HMGA2: variants seen among roughly 807,000 people sequenced by gnomAD.
The protein encoded by HMGA2 is high mobility group AT-hook 2, also known as high mobility group protein HMGI-C.
In HMGA2, 8 loss-of-function variants were observed where a neutral mutation model predicts 19.1. The observed-to-expected ratio is 0.42, with a 90% CI of 0.25 to 0.76. The LOEUF is 0.76. HMGA2 is among the 30% of genes least tolerant of loss of function. The pLI, the probability that HMGA2 is intolerant of heterozygous loss-of-function variation, is 0.28. For synonymous variants in HMGA2, 60 were observed against 48.8 expected, an observed-to-expected ratio of 1.23 and a Z score of -0.96; for missense variants, 109 against 136.3, an observed-to-expected ratio of 0.80 and a Z score of 1.00.
chr12:65,898,241 A>G (rs1384270115), intron 3 of HMGA2, among the ~76,000 whole-genome samples: 2 of 152,220 alleles, frequency 1.3e-5, no homozygotes, highest in African/African-American at 2.4e-5. Context: ...CGGATGGGAA[A>G]AAGTTTGAGG....
chr12:65,833,259 G>T (rs895449832), intron 2 of HMGA2, among the ~76,000 whole-genome samples: 7 of 152,100 alleles, frequency 4.6e-5, no homozygotes, highest in Admixed American at 2.0e-4. Flanking sequence ...AGTTGATTTT[G>T]ATATCAGTGT....
intron 3 of HMGA2, among the ~76,000 whole-genome samples, chr12:65,867,139 C>T (rs918651371): frequency 1.3e-5 from 2 of 152,122 alleles, no homozygotes. Context: ...GACAAAAAAA[C>T]ATTGACACTA....
chr12:65,942,510 G>A (rs1242048060), intron 3 of HMGA2: 1 of 152,062 alleles, frequency 6.6e-6, no homozygotes, highest in Non-Finnish European at 1.5e-5. Context: ...TTTCTATGAA[G>A]TAACATTAAT....
intron 3 of HMGA2, among the ~76,000 whole-genome samples, chr12:65,920,182 C>T (rs1430180100): frequency 3.3e-5 from 5 of 151,862 alleles, no homozygotes; most frequent in South Asian, 2.1e-4. Context: ...GAGATGAGTC[C>T]GGGGTAGAAG....
chr12:65,931,147 GT>G (rs1288213451), intron 3 of HMGA2, among the ~76,000 whole-genome samples: 1 of 152,068 alleles, frequency 6.6e-6, no homozygotes, highest in Non-Finnish European at 1.5e-5. Context: ...TTTCAAGCTT[GT>G]TTTTTGTTCA....
chr12:65,825,431 C>T lies in HMGA2; in HGVS notation c.111+50C>T, dbSNP rs1411558922. 1.4e-5 allele frequency: 19 copies of T among 1,356,908 alleles called. No homozygotes were observed. In the South Asian group the frequency reaches 2.5e-4, roughly 18 times the overall value. 84.1% of individuals were successfully genotyped at this position (1,356,908 alleles called of 1,614,324 possible). On this transcript the variant is annotated intron_variant, in intron 1 of 4. Transcript: ENST00000403681. This position sits in a 1 kb window ranked among gnomAD's most constrained non-coding sequence, Gnocchi z 4.4. ...CACCAGCCCACCCCGTCCCCACTGC[C>T]GGGGCCCAGACACGCGCGGGGCGGC...
intron 3 of HMGA2, among the ~76,000 whole-genome samples, chr12:65,945,268 G>T (rs1471899324): frequency 2.0e-5 from 3 of 151,712 alleles, no homozygotes; most frequent in Admixed American, 1.3e-4. Context: ...AGCCTCCAAA[G>T]CCTGAAGTTC....
At chr12:65,905,360 T>C (rs144148340) in intron 3 of HMGA2, among the ~76,000 whole-genome samples, 313 of 152,326 alleles carry the variant, frequency 2.1e-3, no homozygotes, top group African/African-American at 7.1e-3. Flanking sequence ...TAATTTTGTT[T>C]ACGTGTTTAT....
chr12:65,906,376 C>T (rs1282299347), intron 3 of HMGA2, among the ~76,000 whole-genome samples: 3 of 152,086 alleles, frequency 2.0e-5, no homozygotes, highest in Non-Finnish European at 1.5e-5. Context: ...GATTTGTTGC[C>T]ATTTTATGTG....
At chr12:65,927,124 A>G (rs1401504229) in intron 3 of HMGA2, among the ~76,000 whole-genome samples, 1 of 152,194 alleles carries the variant, frequency 6.6e-6, no homozygotes. Context: ...GCACAACTTA[A>G]CACCATTTTC....
Position 65,963,499 on chromosome 12 carries a change from T to G in HMGA2, c.*207T>G, listed in dbSNP as rs1325408834. The G allele has an allele frequency of 1.7e-6, 1 of 588,432 alleles. No homozygotes were observed. The highest frequency in any genetic ancestry group is 1.9e-5 in the African/African-American group (1 of 53,534). The allele number at this position is 588,432 out of a possible 1,614,324, so 36.5% of individuals were successfully genotyped here. The stretch of plus-strand genomic sequence containing the variant: ...TATTAATCACCTTCTTTGTAATCCC[T>G]TCACAGTCCCAGGTTTAGTGAAAAA... On this transcript the variant is annotated 3_prime_UTR_variant, in exon 5 of 5. Coordinates refer to ENST00000403681, the MANE Select transcript of HMGA2 (RefSeq NM_003483.6).
intron 2 of HMGA2, among the ~76,000 whole-genome samples, chr12:65,836,895 A>T (rs1870754701): frequency 6.6e-6 from 1 of 152,108 alleles, no homozygotes; most frequent in Non-Finnish European, 1.5e-5. Flanking sequence ...TTCCTAAAGT[A>T]TTTTTTTATG....
At chr12:65,915,244 T>G in intron 3 of HMGA2, 1 of 1,563,716 alleles carries the variant, frequency 6.4e-7, no homozygotes, top group Non-Finnish European at 8.7e-7. Flanking sequence ...ACCTATCAGG[T>G]GTCTTTTAGA....
intron 3 of HMGA2, among the ~76,000 whole-genome samples, chr12:65,868,686 T>C (rs1872559845): frequency 6.6e-6 from 1 of 152,218 alleles, no homozygotes; most frequent in Non-Finnish European, 1.5e-5. Context: ...GTTTGTGGAA[T>C]CATGACATAG....
chr12:65,844,050 C>CAAA lies in HMGA2; in HGVS notation c.249+5498_249+5500dup, dbSNP rs3048828. ...TGGGCAACAGAGCAAGACTCCATCT[C>CAAA]AAAAAAAAAAAAAAAAAAAGAAATA... is the stretch of plus-strand genomic sequence containing the variant. On this transcript the variant is annotated intron_variant, in intron 3 of 4. Coordinates refer to ENST00000403681, the MANE Select transcript of HMGA2 (RefSeq NM_003483.6). 2.5e-3 allele frequency among the ~76,000 whole-genome samples: 198 copies of CAAA among 79,720 alleles called. 5 individuals are homozygous for CAAA. Among genetic ancestry groups the CAAA allele is most frequent in the African/African-American group, 6.7e-3 (180 of 26,760 alleles). The allele number at this position is 79,720 out of a possible 152,430, so 52.3% of individuals were successfully genotyped here.
At chr12:65,827,188 C>G (rs1264965508) in intron 1 of HMGA2, among the ~76,000 whole-genome samples, 1 of 152,156 alleles carries the variant, frequency 6.6e-6, no homozygotes, top group Admixed American at 6.5e-5. Flanking sequence ...TTTCTCATTC[C>G]CAGACACTCC....
In HMGA2 at chr12:65,829,032, A is replaced by G. The variant is rs1870359315; in HGVS notation, c.198+945A>G. 3 of 152,326 alleles carry G rather than the reference A, an allele frequency of 2.0e-5. No individual in the cohort carries two copies. In the South Asian group the frequency reaches 6.2e-4, roughly 32 times the overall value. The allele number at this position is 152,326 out of a possible 1,614,324, so 9.4% of individuals were successfully genotyped here. On this transcript the variant is annotated intron_variant, in intron 2 of 4. Transcript: ENST00000403681. ...AATTGAGAACAAAGTTTCAAAAATC[A>G]GAACTAAATTTGGATATACCTTTTC... is the stretch of plus-strand genomic sequence containing the variant.
At position 65,907,758 on chromosome 12, in the gene HMGA2, C is replaced by T. The variant is rs540708597; in HGVS notation, c.250-43625C>T. On this transcript the variant is annotated intron_variant, in intron 3 of 4. Coordinates refer to ENST00000403681, the MANE Select transcript of HMGA2 (RefSeq NM_003483.6). Reference sequence around the variant, plus strand: ...AGTAAGGATGTTTCTAGGTAACAATCCTGTTGTGGCCGCATGGTTCTGGGA... The same window carrying T: ...AGTAAGGATGTTTCTAGGTAACAATTCTGTTGTGGCCGCATGGTTCTGGGA... Among the ~76,000 whole-genome samples, 3 of 152,226 alleles carry T rather than the reference C, an allele frequency of 2.0e-5. No individual in the cohort carries two copies. In the South Asian group the frequency reaches 6.2e-4, roughly 32 times the overall value.
At chr12:65,860,277 C>T (rs1230539641) in intron 3 of HMGA2, among the ~76,000 whole-genome samples, 1 of 152,152 alleles carries the variant, frequency 6.6e-6, no homozygotes, top group African/African-American at 2.4e-5. Flanking sequence ...TTACACAAAG[C>T]CTGTTTTATA....
Sources: allele counts gnomAD v4.1 joint callset (sites outside exome capture counted in the v4.1 genomes callset), GRCh38; gene constraint gnomAD v4.1.1; non-coding constraint Gnocchi (gnomAD v3.1); transcripts MANE v1.5; gene names NCBI Gene and HGNC (gene_info 2026-07-23, HGNC 2026-07-21).